Variants in SMYD2 observed in about 807,000 individuals in gnomAD.
SMYD2 encodes N-lysine methyltransferase SMYD2.
A neutral mutation model predicts 59.1 loss-of-function variants in SMYD2; 53 were observed. The ratio of observed to expected loss-of-function variants is 0.90; its 90% CI spans 0.72 to 1.13. SMYD2 has a LOEUF of 1.13. Ranked by LOEUF, SMYD2 falls within the 50% of genes most tolerant of loss-of-function variation. The pLI is 0.00. For missense variants in SMYD2, 494 were observed against 544.7 expected, an observed-to-expected ratio of 0.91 and a Z score of 0.93; for synonymous variants, 208 against 198.8, an observed-to-expected ratio of 1.05 and a Z score of -0.39.
intron 6 of SMYD2, chr1:214,327,414 A>G (rs1657280789): frequency 4.0e-6 from 2 of 496,186 alleles, no homozygotes; most frequent in South Asian, 2.3e-5. Flanking sequence ...TGTGGATTTC[A>G]GTTTTTAATA....
At chr1:214,301,025 AT>A (rs1250254507) in intron 1 of SMYD2, among the ~76,000 whole-genome samples, 2 of 152,232 alleles carry the variant, frequency 1.3e-5, no homozygotes, top group Non-Finnish European at 2.9e-5. Context: ...AATGACAACT[AT>A]TATGCTAACA....
chr1:214,298,801 A>G (rs1327114226), intron 1 of SMYD2, among the ~76,000 whole-genome samples: 1 of 152,212 alleles, frequency 6.6e-6, no homozygotes, highest in East Asian at 1.9e-4. Context: ...TCCACATCAA[A>G]ACCACGATGA....
chr1:214,285,942 C>G (rs985424783), intron 1 of SMYD2, among the ~76,000 whole-genome samples: 5 of 152,210 alleles, frequency 3.3e-5, no homozygotes, highest in African/African-American at 9.7e-5. Flanking sequence ...CCAAACATAT[C>G]TAAACATAGA....
At chr1:214,288,879 T>A (rs1656592120) in intron 1 of SMYD2, among the ~76,000 whole-genome samples, 2 of 151,886 alleles carry the variant, frequency 1.3e-5, no homozygotes, top group African/African-American at 4.8e-5. Flanking sequence ...TCAGCCTTTA[T>A]ACCTACATAT....
chr1:214,293,011 TTGTGTGTGTGTGTGTGTGTGTGTG>T (rs58012666), intron 1 of SMYD2, among the ~76,000 whole-genome samples: 85 of 137,432 alleles, frequency 6.2e-4, no homozygotes, highest in Middle Eastern at 7.5e-3. Context: ...CTTTTTCTGT[TTGTGTGTGTGTGTGTGTGTGTGTG>T]TGTGTGTGTG....
chr1:214,320,260 A>G (rs1249713619), intron 5 of SMYD2, among the ~76,000 whole-genome samples: 1 of 152,232 alleles, frequency 6.6e-6, no homozygotes, highest in Non-Finnish European at 1.5e-5. Flanking sequence ...AGCAGTATGA[A>G]AAGTATGAAA....
chr1:214,299,755 C>T (rs895963361), intron 1 of SMYD2, among the ~76,000 whole-genome samples: 19 of 152,214 alleles, frequency 1.2e-4, no homozygotes, highest in African/African-American at 3.1e-4. Flanking sequence ...TACAGGCGCC[C>T]GCCACCACGC....
chr1:214,303,331 C>G (rs1391991434), intron 1 of SMYD2, among the ~76,000 whole-genome samples: 1 of 152,200 alleles, frequency 6.6e-6, no homozygotes, highest in East Asian at 1.9e-4. Context: ...TCACGCAGCG[C>G]TTGCTGACGA....
chr1:214,294,594 C>A (rs987469049), intron 1 of SMYD2, among the ~76,000 whole-genome samples: 4 of 152,080 alleles, frequency 2.6e-5, no homozygotes, highest in Admixed American at 2.6e-4. Flanking sequence ...TCTCTTGAAC[C>A]CGGGAGGCAG....
At position 214,327,592 on chromosome 1, in the gene SMYD2, A is replaced by T. The variant is rs760033955; in HGVS notation, c.603-30A>T. On this transcript the variant is annotated intron_variant, in intron 6 of 11. Transcript: ENST00000366957. ...CTAAACAGTCTGCCTATCTCATTTT[A>T]AAAACTGGGTTTTCTCTTCTGACTG... 18 of 1,593,254 alleles carry T rather than the reference A, an allele frequency of 1.1e-5. No individual in the cohort carries two copies. The South Asian group carries it at 1.8e-4, about 16-fold the overall frequency.
intron 1 of SMYD2, among the ~76,000 whole-genome samples, chr1:214,300,523 C>T (rs1449481780): frequency 1.3e-5 from 2 of 152,250 alleles, no homozygotes; most frequent in East Asian, 3.9e-4. Context: ...ATCTTTAAAG[C>T]AAAGTGACAT....
At chr1:214,326,046 T>C (rs1657255596) in intron 6 of SMYD2, among the ~76,000 whole-genome samples, 1 of 151,944 alleles carries the variant, frequency 6.6e-6, no homozygotes, top group Admixed American at 6.6e-5. Context: ...GAGACCAGCC[T>C]GACCAACATG....
At chr1:214,289,757 G>A (rs7522244) in intron 1 of SMYD2, among the ~76,000 whole-genome samples, 11,488 of 152,252 alleles carry the variant, frequency 0.075, 493 homozygotes, top group South Asian at 0.2. Flanking sequence ...CTCACTCAGC[G>A]TTTTTCTGTG....
chr1:214,317,332 C>T (rs1202769801), intron 3 of SMYD2, among the ~76,000 whole-genome samples: 1 of 152,184 alleles, frequency 6.6e-6, no homozygotes, highest in Non-Finnish European at 1.5e-5. Context: ...CATTTGTATT[C>T]TAGTAGCTTG....
intron 5 of SMYD2, among the ~76,000 whole-genome samples, chr1:214,320,970 T>C (rs1449498554): frequency 2.0e-5 from 3 of 152,240 alleles, no homozygotes; most frequent in Non-Finnish European, 4.4e-5. Context: ...CATAATTTTT[T>C]CTGGATTAGT....
chr1:214,320,563 C>A (rs1657157252), intron 5 of SMYD2, among the ~76,000 whole-genome samples: 1 of 152,162 alleles, frequency 6.6e-6, no homozygotes, highest in Admixed American at 6.5e-5. Context: ...GAGTTCGAGG[C>A]TGCAGTAAGC....
chr1:214,317,697 G>A (rs1476835402), intron 3 of SMYD2, among the ~76,000 whole-genome samples: 1 of 152,212 alleles, frequency 6.6e-6, no homozygotes, highest in Non-Finnish European at 1.5e-5. Context: ...AGTGTAAAAT[G>A]GATGGGGGGT....
intron 5 of SMYD2, among the ~76,000 whole-genome samples, chr1:214,319,951 A>G (rs1160653620): frequency 1.3e-5 from 2 of 152,274 alleles, no homozygotes; most frequent in Non-Finnish European, 2.9e-5. Context: ...CTCTGTTTGC[A>G]GGAATCTGTC....
Position 214,281,467 on chromosome 1 carries a change from G to A in SMYD2, c.173+40G>A, listed in dbSNP as rs909635406. The A allele has an allele frequency of 5.3e-6, 7 of 1,331,392 alleles. No homozygotes were observed. In the African/African-American group the frequency reaches 7.7e-5, roughly 15 times the overall value. 82.5% of individuals were successfully genotyped at this position (1,331,392 alleles called of 1,614,324 possible). On this transcript the variant is annotated intron_variant, in intron 1 of 11. Transcript: ENST00000366957. ...GCGGCGGCGGCGGGCGGGAGCCGGGGGCGCCGAGCGGGAGGCTTGGACGGC... is the reference window on the plus strand; with the variant it reads ...GCGGCGGCGGCGGGCGGGAGCCGGGAGCGCCGAGCGGGAGGCTTGGACGGC...
Sources: gnomAD v4.1 joint callset for allele counts (sites outside exome capture counted in the v4.1 genomes callset) on GRCh38, gnomAD v4.1.1 for gene constraint, MANE v1.5 for transcripts, NCBI Gene and HGNC (gene_info 2026-07-23, HGNC 2026-07-21) for gene names.